Variants in KATNAL1 observed in about 807,000 individuals in gnomAD.
The protein encoded by KATNAL1 is katanin catalytic subunit A1 like 1.
In KATNAL1, 32 loss-of-function variants were observed where a neutral mutation model predicts 55.2. The observed-to-expected ratio is 0.58, with a 90% confidence interval of 0.44 to 0.78. The LOEUF is 0.78. Ranked by LOEUF, KATNAL1 falls within the 30% of genes least tolerant of loss-of-function variation. KATNAL1 has a pLI of 0.00. For missense variants in KATNAL1, 466 were observed against 600.9 expected, an observed-to-expected ratio of 0.78 and a Z score of 2.35; for synonymous variants, 193 against 193.6, an observed-to-expected ratio of 1.00 and a Z score of 0.02.
At chr13:30,269,708 C>T (rs1475658037) in intron 3 of KATNAL1, among the ~76,000 whole-genome samples, 2 of 151,540 alleles carry the variant, frequency 1.3e-5, no homozygotes, top group African/African-American at 2.4e-5. Flanking sequence ...AGGTGAGGAG[C>T]GTCTCTGCCC....
chr13:30,281,162 T>C (rs1263637520), intron 2 of KATNAL1, among the ~76,000 whole-genome samples: 1 of 136,620 alleles, frequency 7.3e-6, no homozygotes, highest in Non-Finnish European at 1.5e-5. Flanking sequence ...ATTACAATTA[T>C]AAATTCATTT....
At chr13:30,289,805 C>G (rs1289716231) in intron 1 of KATNAL1, among the ~76,000 whole-genome samples, 2 of 152,138 alleles carry the variant, frequency 1.3e-5, no homozygotes, top group East Asian at 3.8e-4. Context: ...ACAGTGATTA[C>G]AGTTCAGAAA....
intron 9 of KATNAL1, among the ~76,000 whole-genome samples, chr13:30,214,176 C>T (rs1873975103): frequency 6.6e-6 from 1 of 152,106 alleles, no homozygotes; most frequent in Admixed American, 6.5e-5. Context: ...TTCACAATTG[C>T]TTCAAAGAGA....
At chr13:30,295,910 A>G (rs1178065784) in intron 1 of KATNAL1, among the ~76,000 whole-genome samples, 1 of 152,158 alleles carries the variant, frequency 6.6e-6, no homozygotes, top group Admixed American at 6.5e-5. Flanking sequence ...TGTTATTTTA[A>G]GAATTGCCCT....
Position 30,203,809 on chromosome 13 carries a change from A to T in KATNAL1, c.*4731T>A, listed in dbSNP as rs987093010. On this transcript the variant is annotated 3_prime_UTR_variant, in exon 11 of 11. Coordinates refer to ENST00000380615, the MANE Select transcript of KATNAL1 (RefSeq NM_032116.5). ...TTTGTTAATGAGGTGAATGTTTAAA[A>T]ATATATCTATTATCCTAATAATTTG... 6.6e-6 allele frequency: 1 copy of T among 152,212 alleles called. No homozygotes were observed. Among genetic ancestry groups the T allele is most frequent in the African/African-American group, 2.4e-5 (1 of 41,464 alleles). 9.4% of individuals were successfully genotyped at this position (152,212 alleles called of 1,614,324 possible).
intron 1 of KATNAL1, among the ~76,000 whole-genome samples, chr13:30,292,410 G>A (rs1882194389): frequency 6.6e-6 from 1 of 151,848 alleles, no homozygotes; most frequent in Non-Finnish European, 1.5e-5. Context: ...AATTCCCATG[G>A]GGCAATTTGA....
rs534313770 is a variant in KATNAL1 at position 30,223,236 on chromosome 13, G to T, written c.1147+4176C>A. Reference sequence around the variant, plus strand: ...GGGCGGATCACAAGGTCAGGAGATCGAGACCATCCTGGCTAACACGGTGAA... The same window carrying T: ...GGGCGGATCACAAGGTCAGGAGATCTAGACCATCCTGGCTAACACGGTGAA... On this transcript the variant is annotated intron_variant, in intron 9 of 10. Coordinates refer to ENST00000380615, the MANE Select transcript of KATNAL1 (RefSeq NM_032116.5). Among the ~76,000 whole-genome samples the T allele has an allele frequency of 5.3e-4, 79 of 149,526 alleles. 1 individual carries two copies. The highest frequency in any genetic ancestry group is 1.9e-3 in the African/African-American group (74 of 39,242).
chr13:30,247,585 A>C (rs1407680584), intron 4 of KATNAL1, among the ~76,000 whole-genome samples: 1 of 152,206 alleles, frequency 6.6e-6, no homozygotes, highest in Non-Finnish European at 1.5e-5. Context: ...ACAGAACAGC[A>C]AGTTCAAATT....
intron 9 of KATNAL1, among the ~76,000 whole-genome samples, chr13:30,216,677 G>T (rs1485330708): frequency 6.6e-6 from 1 of 152,194 alleles, no homozygotes; most frequent in Non-Finnish European, 1.5e-5. Flanking sequence ...TCAGGCTGGT[G>T]GCAGGAGGGG....
intron 9 of KATNAL1, among the ~76,000 whole-genome samples, chr13:30,217,777 C>T (rs541422289): frequency 2.6e-5 from 4 of 152,224 alleles, no homozygotes; most frequent in Non-Finnish European, 5.9e-5. Flanking sequence ...ATAAAGCTGT[C>T]ATGACGGTTA....
intron 3 of KATNAL1, among the ~76,000 whole-genome samples, chr13:30,274,740 GAAATCA>G (rs1352623201): frequency 3.3e-5 from 5 of 152,162 alleles, no homozygotes; most frequent in Non-Finnish European, 7.4e-5. Context: ...CAAAGAAAAT[GAAATCA>G]GTGTGTCAGA....
rs1174606062 is a variant in KATNAL1, at chr13:30,270,380, G to A, written c.323+9683C>T. On this transcript the variant is annotated intron_variant, in intron 3 of 10. Transcript: ENST00000380615. ...TGCCCGGCCTCCCCTACTGGGAAGT[G>A]AGGAGCCCCTCTGCCCGGCCACCAC... Among the ~76,000 whole-genome samples the A allele has an allele frequency of 3.3e-5, 5 of 152,152 alleles. No homozygotes were observed. In the East Asian group the frequency reaches 9.7e-4, roughly 30 times the overall value.
chr13:30,255,662 T>G, intron 3 of KATNAL1, 47 bp from the exon 4 acceptor site: 1 of 1,337,970 alleles, frequency 7.5e-7, no homozygotes, highest in Non-Finnish European at 9.6e-7. Flanking sequence ...TTAAAATTAA[T>G]CAAAGGCAAA....
intron 1 of KATNAL1, among the ~76,000 whole-genome samples, chr13:30,305,930 C>T (rs969363408): frequency 1.3e-5 from 2 of 152,194 alleles, no homozygotes; most frequent in African/African-American, 4.8e-5. Context: ...TTGTTTTCTA[C>T]CTGTCTTACT....
intron 9 of KATNAL1, among the ~76,000 whole-genome samples, chr13:30,220,359 G>C (rs184910551): frequency 1.3e-3 from 195 of 152,172 alleles, no homozygotes; most frequent in African/African-American, 4.4e-3. Flanking sequence ...TACTTGGGAG[G>C]CTGAGGCAGG....
At chr13:30,263,127 T>C (rs1262174780) in intron 3 of KATNAL1, among the ~76,000 whole-genome samples, 2 of 152,176 alleles carry the variant, frequency 1.3e-5, no homozygotes, top group Admixed American at 1.3e-4. Context: ...ACCACATGAT[T>C]ATCTCAATAG....
chr13:30,296,131 C>CA, intron 1 of KATNAL1: 1 of 438,324 alleles, frequency 2.3e-6, no homozygotes, highest in South Asian at 3.1e-5. Context: ...CCTTTGCCCA[C>CA]ACAGCTTGTT....
chr13:30,259,700 C>T (rs762580408), intron 3 of KATNAL1, among the ~76,000 whole-genome samples: 9 of 152,320 alleles, frequency 5.9e-5, no homozygotes, highest in East Asian at 5.8e-4. Context: ...GATTATATCC[C>T]GCACCTGGCT....
At chr13:30,299,981 A>G (rs904279728) in intron 1 of KATNAL1, among the ~76,000 whole-genome samples, 2 of 93,552 alleles carry the variant, frequency 2.1e-5, no homozygotes, top group East Asian at 4.2e-4. Context: ...ATCACCCACA[A>G]CACACACACA....
Sources: gnomAD v4.1 joint callset for allele counts (sites outside exome capture counted in the v4.1 genomes callset) on GRCh38, gnomAD v4.1.1 for gene constraint, MANE v1.5 for transcripts, NCBI Gene and HGNC (gene_info 2026-07-23, HGNC 2026-07-21) for gene names.